Variants in FAM3B observed in about 807,000 individuals in gnomAD.
The protein encoded by FAM3B is protein FAM3B.
Under a neutral mutation model 28.4 loss-of-function variants are expected in FAM3B, and 29 were observed. That is an observed-to-expected ratio of 1.02 (90% CI 0.76 to 1.39). FAM3B has a LOEUF of 1.39. Ranked by LOEUF, FAM3B falls within the 40% of genes most tolerant of loss-of-function variation. The pLI, the probability that FAM3B is intolerant of heterozygous loss-of-function variation, is 0.00. For synonymous variants in FAM3B, 91 were observed against 103.0 expected, an observed-to-expected ratio of 0.88 and a Z score of 0.71; for missense variants, 266 against 293.9, an observed-to-expected ratio of 0.91 and a Z score of 0.69.
At chr21:41,324,645 G>A (rs1057462859) in intron 2 of FAM3B, among the ~76,000 whole-genome samples, 1 of 152,190 alleles carries the variant, frequency 6.6e-6, no homozygotes, top group Non-Finnish European at 1.5e-5. Flanking sequence ...GGTATATTTA[G>A]TAACAGCATC....
At chr21:41,332,889 G>GT (rs977295801) in intron 2 of FAM3B, among the ~76,000 whole-genome samples, 10 of 151,472 alleles carry the variant, frequency 6.6e-5, no homozygotes, top group East Asian at 1.9e-4. Flanking sequence ...AACCAAGTCT[G>GT]TTTTTTTGGC....
At chr21:41,349,098 C>A (rs1026972398) in intron 7 of FAM3B, among the ~76,000 whole-genome samples, 38 of 152,334 alleles carry the variant, frequency 2.5e-4, no homozygotes, top group Admixed American at 2.3e-3. Context: ...TCAAAACAGG[C>A]TGGACACCAA....
chr21:41,335,168 G>A (rs1170018106), intron 2 of FAM3B, among the ~76,000 whole-genome samples: 2 of 152,210 alleles, frequency 1.3e-5, no homozygotes, highest in African/African-American at 4.8e-5. Flanking sequence ...CCTTGTCCCA[G>A]ATGAGACTTG....
At chr21:41,341,179 T>C (rs2089004088) in intron 3 of FAM3B, among the ~76,000 whole-genome samples, 2 of 152,028 alleles carry the variant, frequency 1.3e-5, no homozygotes, top group African/African-American at 4.8e-5. Flanking sequence ...CATCAGGCTT[T>C]TCCTCATTTC....
chr21:41,314,860 A>G (rs549752948), upstream of FAM3B, among the ~76,000 whole-genome samples: 16 of 151,980 alleles, frequency 1.1e-4, no homozygotes, highest in African/African-American at 3.6e-4. Flanking sequence ...TTGTGCAGCT[A>G]TGGAAAACAG....
intron 2 of FAM3B, among the ~76,000 whole-genome samples, chr21:41,337,974 A>C (rs1242844028): frequency 1.3e-5 from 2 of 151,972 alleles, no homozygotes; most frequent in African/African-American, 4.8e-5. Flanking sequence ...AAGGCTGTGT[A>C]GATGCAGAAG....
intron 2 of FAM3B, among the ~76,000 whole-genome samples, chr21:41,335,132 A>T (rs1007104648): frequency 3.3e-5 from 5 of 152,088 alleles, no homozygotes; most frequent in Non-Finnish European, 7.3e-5. Context: ...TTTTGATTTT[A>T]CAGGCTTGTA....
In FAM3B at chr21:41,357,177, A is replaced by G. The variant is rs774414386; in HGVS notation, c.688A>G (p.Ile230Val). 1 of 1,613,464 alleles carries G rather than the reference A, an allele frequency of 6.2e-7. No homozygotes were observed. The highest frequency in any genetic ancestry group is 8.5e-7 in the Non-Finnish European group (1 of 1,179,606). ...TGCAGAGATCCAGATAGAAGGCTGC[A>G]TACCCAAAGAACGAAGCTGACACTG... ...WPAEIQIEGC[I>V]PKERS The change falls in exon 8 of 8, where the codon ATA (isoleucine) becomes GTA (valine). Residue 230 changes from isoleucine (I) to valine (V), a missense_variant. Ile to Val is a conservative substitution (Grantham distance 29). Transcript: ENST00000357985.
intron 1 of FAM3B, among the ~76,000 whole-genome samples, chr21:41,319,300 G>A (rs987761405): frequency 1.3e-5 from 2 of 152,160 alleles, no homozygotes; most frequent in African/African-American, 4.8e-5. Flanking sequence ...CATGCACACA[G>A]AGGCAGACAC....
chr21:41,321,272 G>T (rs968490581), intron 1 of FAM3B, among the ~76,000 whole-genome samples: 5 of 152,228 alleles, frequency 3.3e-5, no homozygotes, highest in Non-Finnish European at 7.3e-5. Flanking sequence ...CAGGCATGCT[G>T]GGTGGCCCTG....
intron 7 of FAM3B, among the ~76,000 whole-genome samples, chr21:41,352,576 C>T (rs917058212): frequency 3.9e-5 from 6 of 151,992 alleles, no homozygotes; most frequent in Non-Finnish European, 7.4e-5. Context: ...AGGCGGATCA[C>T]GAGGTCAGAA....
chr21:41,313,016 C>T (rs1199311692), upstream of FAM3B, among the ~76,000 whole-genome samples: 2 of 152,124 alleles, frequency 1.3e-5, no homozygotes, highest in African/African-American at 4.8e-5. Flanking sequence ...CATCCTAGTC[C>T]TTCTGAAGGA....
rs2088754530 is a variant in FAM3B, at chr21:41,316,910, C to T, written c.19+12C>T. 8 of 1,360,146 alleles carry T rather than the reference C, an allele frequency of 5.9e-6. No homozygotes were observed. In the Admixed American group the frequency reaches 2.8e-4, roughly 48 times the overall value. The allele number at this position is 1,360,146 out of a possible 1,614,324, so 84.3% of individuals were successfully genotyped here. Reference sequence around the variant, plus strand: ...CCCATTGGCTGGTGGTGAGTGCGCCCCCGCCTCGGGGCGAGGGTAGGGGCG... The same window carrying T: ...CCCATTGGCTGGTGGTGAGTGCGCCTCCGCCTCGGGGCGAGGGTAGGGGCG... On this transcript the variant is annotated intron_variant, in intron 1 of 7. Coordinates refer to ENST00000357985, the MANE Select transcript of FAM3B (RefSeq NM_058186.4).
At chr21:41,342,620 A>G (rs1039663854) in intron 3 of FAM3B, among the ~76,000 whole-genome samples, 7 of 152,126 alleles carry the variant, frequency 4.6e-5, no homozygotes, top group Non-Finnish European at 7.3e-5. Flanking sequence ...CCATTCAATC[A>G]CTACTGATTT....
chr21:41,342,844 T>A (rs1244831993), intron 3 of FAM3B, among the ~76,000 whole-genome samples: 1 of 152,208 alleles, frequency 6.6e-6, no homozygotes, highest in Non-Finnish European at 1.5e-5. Context: ...TTCCATTGTC[T>A]CTTGTGTGCG....
chr21:41,312,751 G>A (rs551813288), upstream of FAM3B, among the ~76,000 whole-genome samples: 17 of 151,106 alleles, frequency 1.1e-4, no homozygotes, highest in African/African-American at 4.1e-4. Context: ...GTGTGTGTGT[G>A]TATGATGTCT....
chr21:41,309,899 G>T (rs1189080438), intron 1 of FAM3B, among the ~76,000 whole-genome samples: 1 of 152,306 alleles, frequency 6.6e-6, no homozygotes, highest in East Asian at 1.9e-4. Context: ...ACCCAAAATG[G>T]TGACTTTCCC....
At chr21:41,337,654 AG>A (rs1395522708) in intron 2 of FAM3B, among the ~76,000 whole-genome samples, 1 of 151,032 alleles carries the variant, frequency 6.6e-6, no homozygotes, top group Non-Finnish European at 1.5e-5. Context: ...GTGTTGGGGG[AG>A]GGGATGTGTG....
At chr21:41,304,395 C>T in intron 1 of FAM3B, 1 of 429,542 alleles carries the variant, frequency 2.3e-6, no homozygotes, top group Non-Finnish European at 4.7e-6. Context: ...CTGAGCAGCC[C>T]GAGGGAGTCG....
Sources: allele counts gnomAD v4.1 joint callset (sites outside exome capture counted in the v4.1 genomes callset), GRCh38; gene constraint gnomAD v4.1.1; transcripts MANE v1.5; gene names NCBI Gene and HGNC (gene_info 2026-07-23, HGNC 2026-07-21).